Variants in SP140L observed in about 807,000 individuals in gnomAD.
The protein encoded by SP140L is SP140 like nuclear body protein.
A neutral mutation model predicts 84.3 loss-of-function variants in SP140L; 64 were observed. The observed-to-expected ratio is 0.76, with a 90% CI of 0.62 to 0.94. The LOEUF (loss-of-function observed/expected upper bound fraction) is 0.94. Among genes scored for constraint, SP140L ranks in the 40% least tolerant of loss-of-function variants. The pLI is 0.00. For missense variants in SP140L, 628 were observed against 692.5 expected, an observed-to-expected ratio of 0.91 and a Z score of 1.05; for synonymous variants, 242 against 236.9, an observed-to-expected ratio of 1.02 and a Z score of -0.20.
chr2:230,327,363 G>A, intron 1 of SP140L, 62 bp downstream of exon 1: 16 of 1,563,538 alleles, frequency 1.0e-5, no homozygotes, highest in African/African-American at 1.4e-5. Flanking sequence ...TTTCATGCCT[G>A]TAGTTCAGTT....
At chr2:230,333,190 C>T (rs1317642090) in intron 2 of SP140L, among the ~76,000 whole-genome samples, 1 of 149,116 alleles carries the variant, frequency 6.7e-6, no homozygotes, top group Non-Finnish European at 1.5e-5. Context: ...GATGGAGTCT[C>T]GCTCTTTCTC....
intron 5 of SP140L, among the ~76,000 whole-genome samples, chr2:230,368,804 A>C (rs2060966952): frequency 6.6e-6 from 1 of 152,106 alleles, no homozygotes; most frequent in Non-Finnish European, 1.5e-5. Flanking sequence ...TTTCTTTTTA[A>C]AAATAATTTC....
intron 5 of SP140L, among the ~76,000 whole-genome samples, chr2:230,363,091 G>A (rs555104142): frequency 1.3e-5 from 2 of 152,222 alleles, no homozygotes; most frequent in African/African-American, 4.8e-5. Flanking sequence ...TTTGACTTAT[G>A]AGATTTTCAA....
At chr2:230,400,019 G>A (rs2062238027) in intron 14 of SP140L, 108 bp from the exon 15 acceptor site, 13 of 1,132,140 alleles carry the variant, frequency 1.1e-5, no homozygotes, top group African/African-American at 3.1e-5. Context: ...AGAAGCATAT[G>A]CCTGTCTATA....
chr2:230,373,568 G>A (rs1027039917), intron 7 of SP140L, among the ~76,000 whole-genome samples: 2 of 152,102 alleles, frequency 1.3e-5, no homozygotes, highest in African/African-American at 2.4e-5. Flanking sequence ...CCACCATTGA[G>A]ACATATTCCT....
At chr2:230,340,078 A>G (rs1214672408) in intron 2 of SP140L, among the ~76,000 whole-genome samples, 6,696 of 127,894 alleles carry the variant, frequency 0.052, 262 homozygotes, top group African/African-American at 0.11. Flanking sequence ...TCTGTCTAAT[A>G]TTGACAGTGG....
At chr2:230,367,004 A>G (rs566862974) in intron 5 of SP140L, among the ~76,000 whole-genome samples, 1 of 152,170 alleles carries the variant, frequency 6.6e-6, no homozygotes, top group African/African-American at 2.4e-5. Context: ...CTAGGATTAC[A>G]GGCGTGAGCC....
chr2:230,381,210 C>G (rs13383946), intron 7 of SP140L, among the ~76,000 whole-genome samples: 1 of 151,936 alleles, frequency 6.6e-6, no homozygotes, highest in Non-Finnish European at 1.5e-5. Context: ...TTAGCTGGAA[C>G]GTAAGCAACT....
chr2:230,396,626 C>T (rs1379856190), intron 13 of SP140L, 131 bp from the exon 14 acceptor site: 2 of 1,078,112 alleles, frequency 1.9e-6, no homozygotes, highest in African/African-American at 1.6e-5. Flanking sequence ...TACTGGCCTT[C>T]ATCTCCTCCC....
intron 2 of SP140L, among the ~76,000 whole-genome samples, chr2:230,336,246 T>G (rs1210062037): frequency 6.6e-6 from 1 of 152,214 alleles, no homozygotes; most frequent in South Asian, 2.1e-4. Context: ...CCAGTCAAGT[T>G]TCTGGCCATC....
At chr2:230,372,085 G>A (rs2061094484) in intron 7 of SP140L, 1 of 173,820 alleles carries the variant, frequency 5.8e-6, no homozygotes, top group Non-Finnish European at 1.2e-5. Context: ...GAAATAGTTT[G>A]TCCTTTCCAG....
chr2:230,371,892 C>A (rs1299435239), intron 7 of SP140L: 4 of 468,640 alleles, frequency 8.5e-6, no homozygotes, highest in Non-Finnish European at 1.2e-5. Flanking sequence ...GGAGATGATC[C>A]TGGGTTATGT....
At chr2:230,394,911 C>T (rs895974664) in intron 13 of SP140L, among the ~76,000 whole-genome samples, 2 of 152,312 alleles carry the variant, frequency 1.3e-5, no homozygotes, top group East Asian at 3.9e-4. Flanking sequence ...TTGGTGGTAG[C>T]TGCGGTGTTG....
chr2:230,394,784 C>T (rs563334650), intron 13 of SP140L, among the ~76,000 whole-genome samples: 12 of 152,156 alleles, frequency 7.9e-5, no homozygotes, highest in Admixed American at 2.0e-4. Flanking sequence ...GTCCTCTGTG[C>T]CTCTCAGAGC....
rs186940555 is a variant in SP140L, at chr2:230,401,276, G to A, written c.1423-90G>A. The A allele has an allele frequency of 2.1e-3, 3,400 of 1,603,604 alleles. 7 individuals are homozygous for A. The highest frequency in any genetic ancestry group is 2.6e-3 in the Non-Finnish European group (3,034 of 1,175,116). ...GCCACACATGTTAGAGAAACTTGAG[G>A]AAGAAGGGTGTGAGTCGTGTGCTGT... On this transcript the variant is annotated intron_variant, in intron 16 of 18. Coordinates refer to ENST00000415673, the MANE Select transcript of SP140L (RefSeq NM_138402.6).
Position 230,344,343 on chromosome 2 carries a change from G to T in SP140L, c.108-13462G>T, listed in dbSNP as rs189023773. Among the ~76,000 whole-genome samples the T allele has an allele frequency of 1.9e-3, 291 of 152,284 alleles. 2 individuals are homozygous for T. The highest frequency in any genetic ancestry group is 6.7e-3 in the African/African-American group (279 of 41,548). ...GTCAGAAACTAGGATCAAAACTCCT[G>T]CATTTTACTGTTTTCTATTTGCTTG... On this transcript the variant is annotated intron_variant, in intron 2 of 18. Transcript: ENST00000415673.
intron 2 of SP140L, among the ~76,000 whole-genome samples, chr2:230,329,599 G>C (rs993214439): frequency 1.3e-5 from 2 of 152,202 alleles, no homozygotes; most frequent in Non-Finnish European, 2.9e-5. Context: ...CCCAAGATCT[G>C]ATGGTTTTGT....
At position 230,396,787 on chromosome 2, in the gene SP140L, G is replaced by C. The variant is rs1173121481; in HGVS notation, c.1186G>C (p.Val396Leu). Residue 396 changes from valine (V) to leucine (L), a missense_variant, in exon 14 of 19, where the codon GTT becomes CTT. Transcript: ENST00000415673. ...ACTGAAGTCTCAAAACAATAGCTCA[G>C]TTGACCCTTGTGTAAGTATAAATTC... ...RILKSQNNSS[V>L]DPCMRNLDEC... The C allele has an allele frequency of 1.3e-5, 21 of 1,613,866 alleles. No homozygotes were observed. The highest frequency in any genetic ancestry group is 1.8e-5 in the Non-Finnish European group (21 of 1,179,906).
intron 2 of SP140L, among the ~76,000 whole-genome samples, chr2:230,350,086 C>A (rs560935174): frequency 1.3e-5 from 2 of 152,148 alleles, no homozygotes; most frequent in South Asian, 4.2e-4. Flanking sequence ...TCTGATGTTA[C>A]CCAAAAAAAT....
Sources: allele counts gnomAD v4.1 joint callset (sites outside exome capture counted in the v4.1 genomes callset), GRCh38; gene constraint gnomAD v4.1.1; transcripts MANE v1.5; gene names NCBI Gene and HGNC (gene_info 2026-07-23, HGNC 2026-07-21).